Variants in RYR1 observed in about 807,000 individuals in gnomAD.
The protein encoded by RYR1 is ryanodine receptor 1.
In RYR1, 342 loss-of-function variants were observed where a neutral mutation model predicts 583.5. The observed-to-expected ratio is 0.59, with a 90% CI of 0.54 to 0.64. The LOEUF (loss-of-function observed/expected upper bound fraction) is 0.64, where lower values mean the gene tolerates loss of function less well. Ranked by LOEUF, RYR1 falls within the 30% of genes least tolerant of loss-of-function variation. RYR1 has a pLI of 0.00. For synonymous variants in RYR1, 2,791 were observed against 2,822.5 expected, an observed-to-expected ratio of 0.99 and a Z score of 0.35; for missense variants, 6,032 against 6,917.2, an observed-to-expected ratio of 0.87 and a Z score of 4.54.
intron 27 of RYR1, among the ~76,000 whole-genome samples, chr19:38,471,774 C>T (rs1037523148): frequency 7.9e-5 from 12 of 151,436 alleles, no homozygotes; most frequent in East Asian, 7.8e-4. Flanking sequence ...TGGTGCCGGG[C>T]GCCTGTAATC....
intron 101 of RYR1, among the ~76,000 whole-genome samples, chr19:38,584,720 A>T (rs569667103): frequency 2.4e-5 from 2 of 83,726 alleles, no homozygotes; most frequent in African/African-American, 9.7e-5. Flanking sequence ...TGCGCCCCAC[A>T]CCCAACCTGG....
chr19:38,502,969 A>G lies in RYR1; in HGVS notation c.7925A>G (p.Lys2642Arg), dbSNP rs748696547. The part of the protein sequence containing the change: ...ILNEFAKMPL[K>R]LLTNHYERCW... ...AACGAGTTCGCCAAGATGCCACTCAAGGTGAGGGCAAGCGCTCTTTAGCAT... is the reference window on the plus strand; with the variant it reads ...AACGAGTTCGCCAAGATGCCACTCAGGGTGAGGGCAAGCGCTCTTTAGCAT... The change falls in exon 49 of 106, where the codon AAG (lysine) becomes AGG (arginine). Residue 2642 changes from lysine to arginine, a missense_variant and splice_region_variant. Around this residue, in one of 11 missense-constraint regions of RYR1, gnomAD observed 250 missense variants for 162.3 expected, o/e 1.54. Coordinates refer to ENST00000359596, the MANE Select transcript of RYR1 (RefSeq NM_000540.3). 6.2e-7 allele frequency: 1 copy of G among 1,608,476 alleles called. No homozygotes were observed. The highest frequency in any genetic ancestry group is 1.1e-5 in the South Asian group (1 of 91,070).
chr19:38,480,353 A>C (rs1968947337), intron 31 of RYR1, among the ~76,000 whole-genome samples: 1 of 151,914 alleles, frequency 6.6e-6, no homozygotes, highest in Non-Finnish European at 1.5e-5. Flanking sequence ...TATGTTGCCC[A>C]GGCTGGTCTC....
rs1970771582 is a variant in RYR1, at chr19:38,512,390, C to T, written c.9379C>T (p.Gln3127Ter). Residue 3127 changes from glutamine to a stop codon, truncating the protein, a stop_gained, in exon 63 of 106, where the codon CAG (glutamine) becomes TAG (stop). Coordinates refer to ENST00000359596, the MANE Select transcript of RYR1 (RefSeq NM_000540.3). LOFTEE classifies it high-confidence loss of function. This position sits in a 1 kb window ranked among gnomAD's most constrained non-coding sequence, Gnocchi z 5.1. ...QARTQVKGVG[Q>*]NLTYTTVALL... Reference sequence around the variant, plus strand: ...GCGCACCCAGGTGAAAGGCGTGGGCCAGAACCTCACCTACACCACTGTGGC... The same window carrying T: ...GCGCACCCAGGTGAAAGGCGTGGGCTAGAACCTCACCTACACCACTGTGGC... 1 of 1,613,904 alleles carries T rather than the reference C, an allele frequency of 6.2e-7. No homozygotes were observed. Among genetic ancestry groups the T allele is most frequent in the African/African-American group, 1.3e-5 (1 of 74,936 alleles).
intron 29 of RYR1, among the ~76,000 whole-genome samples, chr19:38,477,079 G>A (rs569229508): frequency 1.6e-4 from 25 of 151,886 alleles, no homozygotes; most frequent in African/African-American, 4.1e-4. Context: ...AGAAGAAGAA[G>A]AAGGAAAGAA....
chr19:38,457,514 C>T lies in RYR1; in HGVS notation c.1809C>T (p.Cys603=), dbSNP rs562647214. ...ACCTCTAGGTCCTGGACGTGCTATGCTCCCTGTGTGTGTGTAATGGTGTGG... is the reference window on the plus strand; with the variant it reads ...ACCTCTAGGTCCTGGACGTGCTATGTTCCCTGTGTGTGTGTAATGGTGTGG... The part of the protein sequence containing the change: ...GRNHKVLDVL[C]SLCVCNGVAV... The change falls in exon 17 of 106, where the codon TGC becomes TGT. Residue 603 remains cysteine (C), a synonymous_variant. Transcript: ENST00000359596. The T allele has an allele frequency of 2.5e-6, 4 of 1,614,102 alleles. No homozygotes were observed. The South Asian group carries it at 4.4e-5, about 18-fold the overall frequency.
chr19:38,516,502 C>A (rs765088718), intron 65 of RYR1, among the ~76,000 whole-genome samples: 3 of 152,106 alleles, frequency 2.0e-5, no homozygotes, highest in Non-Finnish European at 4.4e-5. Context: ...CAGTGGGTCA[C>A]GCCTGTAATC....
At chr19:38,586,315 C>T in intron 104 of RYR1, 124 bp downstream of exon 104, 8 of 1,131,096 alleles carry the variant, frequency 7.1e-6, no homozygotes, top group Non-Finnish European at 1.0e-5. Flanking sequence ...GATTCCCTGC[C>T]AGCCAATCAG....
intron 35 of RYR1, 97 bp from the exon 36 acceptor site, chr19:38,489,979 C>T: frequency 2.3e-6 from 3 of 1,289,312 alleles, no homozygotes; most frequent in Non-Finnish European, 3.3e-6. Context: ...TGGACCTGGG[C>T]AGGGCCATGG....
At chr19:38,576,067 T>C in intron 97 of RYR1, 106 bp downstream of exon 97, 1 of 1,298,398 alleles carries the variant, frequency 7.7e-7, no homozygotes. Flanking sequence ...GGGCAAGAGG[T>C]TTTTTTGCCT....
At chr19:38,534,941 C>T (rs576532251) in intron 79 of RYR1, 122 bp downstream of exon 79, 927 of 1,178,408 alleles carry the variant, frequency 7.9e-4, no homozygotes, top group Non-Finnish European at 1.1e-3. Flanking sequence ...TGCACGCACA[C>T]CCCAGCCCTT....
In RYR1 at chr19:38,565,875, G is replaced by C. The variant is rs1973397202; in HGVS notation, c.13437+104G>C. ...CACACACAGAGGAGAGAACTGGCTA[G>C]GGGGATGGGCACACGCACCCACGGA... On this transcript the variant is annotated intron_variant, in intron 91 of 105. Coordinates refer to ENST00000359596, the MANE Select transcript of RYR1 (RefSeq NM_000540.3). This position sits in a 1 kb window ranked among gnomAD's most constrained non-coding sequence, Gnocchi z 4.7. 1.6e-6 allele frequency: 2 copies of C among 1,259,950 alleles called. No individual in the cohort carries two copies. Among genetic ancestry groups the C allele is most frequent in the South Asian group, 2.3e-5 (1 of 42,850 alleles). The allele number at this position is 1,259,950 out of a possible 1,614,324, so 78.0% of individuals were successfully genotyped here.
At chr19:38,548,005 G>A (rs957589592) in intron 88 of RYR1, among the ~76,000 whole-genome samples, 4 of 152,056 alleles carry the variant, frequency 2.6e-5, no homozygotes, top group Non-Finnish European at 4.4e-5. Context: ...GAGCCACCAC[G>A]TCCGACCTGA....
Position 38,544,196 on chromosome 19 carries a change from T to C in RYR1, c.12012+321T>C, listed in dbSNP as rs2292801. ...TCTCTCTGATGAGTCATCGCAGATG[T>C]GGACAGTCCTTGGGCTAGGATGGGG... On this transcript the variant is annotated intron_variant, in intron 87 of 105. Coordinates refer to ENST00000359596, the MANE Select transcript of RYR1 (RefSeq NM_000540.3). Among the ~76,000 whole-genome samples the C allele has an allele frequency of 0.023, 3,471 of 152,290 alleles. 95 individuals are homozygous for C. Among genetic ancestry groups the C allele is most frequent in the Admixed American group, 0.073 (1,111 of 15,294 alleles).
chr19:38,572,462 G>C (rs906794536), intron 95 of RYR1, among the ~76,000 whole-genome samples, 192 bp downstream of exon 95: 3 of 152,082 alleles, frequency 2.0e-5, no homozygotes, highest in Non-Finnish European at 2.9e-5. Flanking sequence ...TCTCCAGTAA[G>C]GACGACATTC....
intron 73 of RYR1, chr19:38,528,020 G>A (rs1328274519): frequency 3.2e-6 from 2 of 620,988 alleles, no homozygotes; most frequent in Admixed American, 5.7e-5. Flanking sequence ...TAGGGGTGGG[G>A]CCTAGAGGAG....
rs1974086024 is a variant in RYR1, at chr19:38,579,131, CAG to C, written c.14365-846_14365-845del. On this transcript the variant is annotated intron_variant, in intron 99 of 105. Transcript: ENST00000359596. ...GCGAGACCCTGTCTCTAACAAAAAACAGAGAGTGGCCAGGTGCGGTGGCTCAG... is the reference window on the plus strand; with the variant it reads ...GCGAGACCCTGTCTCTAACAAAAAACAGAGTGGCCAGGTGCGGTGGCTCAG... Among the ~76,000 whole-genome samples the C allele has an allele frequency of 2.7e-5, 4 of 149,540 alleles. No individual in the cohort carries two copies. In the South Asian group the frequency reaches 6.4e-4, roughly 24 times the overall value.
chr19:38,490,169 C>T lies in RYR1; in HGVS notation c.5908C>T (p.Gln1970Ter). 3.7e-6 allele frequency: 6 copies of T among 1,614,258 alleles called. No individual in the cohort carries two copies. The highest frequency in any genetic ancestry group is 5.1e-6 in the Non-Finnish European group (6 of 1,180,052). ...AFAERYVDKL[Q>*]ANQRSRYGLL... ...TGCGGAGCGCTATGTGGACAAGCTC[C>T]AGGCCAACCAGCGGAGCCGCTATGG... is the stretch of plus-strand genomic sequence containing the variant. The change falls in exon 36 of 106, where the codon CAG becomes TAG. Residue 1970 changes from glutamine to a stop codon, truncating the protein, a stop_gained. Transcript: ENST00000359596. LOFTEE classifies it high-confidence loss of function.
At chr19:38,439,716 C>T (rs909988824) in intron 1 of RYR1, among the ~76,000 whole-genome samples, 3 of 152,012 alleles carry the variant, frequency 2.0e-5, no homozygotes, top group Non-Finnish European at 4.4e-5. Context: ...CCATGTTGGC[C>T]AGGCTGGTCT....
Sources: gnomAD v4.1 joint callset for allele counts (sites outside exome capture counted in the v4.1 genomes callset) on GRCh38, gnomAD v4.1.1 for gene constraint, gnomAD v4.1.1 regional missense constraint, Gnocchi (gnomAD v3.1) non-coding constraint, MANE v1.5 for transcripts, NCBI Gene and HGNC (gene_info 2026-07-23, HGNC 2026-07-21) for gene names.